Variants in FCHO1 observed in about 807,000 individuals in gnomAD.
FCHO1 encodes FCH and mu domain containing endocytic adaptor 1.
Under a neutral mutation model 114.4 loss-of-function variants are expected in FCHO1, and 45 were observed. The ratio of observed to expected loss-of-function variants is 0.39; its 90% CI spans 0.31 to 0.50. The LOEUF (loss-of-function observed/expected upper bound fraction) is 0.50, where lower values mean the gene tolerates loss of function less well. Among genes scored for constraint, FCHO1 ranks in the 20% least tolerant of loss-of-function variants. FCHO1 has a pLI of 0.77. For synonymous variants in FCHO1, 480 were observed against 488.9 expected, an observed-to-expected ratio of 0.98 and a Z score of 0.24; for missense variants, 1,042 against 1,209.6, an observed-to-expected ratio of 0.86 and a Z score of 2.06.
rs1170719311 is a variant in FCHO1 at position 17,774,496 on chromosome 19, C to T, written c.920+18C>T. On this transcript the variant is annotated intron_variant, in intron 13 of 28. Transcript: ENST00000596536. The stretch of plus-strand genomic sequence containing the variant: ...GCAGCTGTGTGAGGAAGCACCCCTG[C>T]CCGGTCTGGCCCAGGCTAGACCGAG... The T allele has an allele frequency of 6.2e-7, 1 of 1,604,076 alleles. No homozygotes were observed. The highest frequency in any genetic ancestry group is 1.7e-5 in the Admixed American group (1 of 59,928).
chr19:17,766,899 T>G, intron 7 of FCHO1, 89 bp downstream of exon 7: 1 of 1,356,276 alleles, frequency 7.4e-7, no homozygotes, highest in Non-Finnish European at 1.0e-6. Flanking sequence ...CTTTATAACC[T>G]GCGGATGTCC....
intron 18 of FCHO1, among the ~76,000 whole-genome samples, chr19:17,777,602 C>G (rs1009002104): frequency 1.7e-4 from 25 of 147,860 alleles, no homozygotes; most frequent in African/African-American, 6.3e-4. Flanking sequence ...CTAAGTGCTA[C>G]GAAGAAACTA....
chr19:17,775,412 G>C lies in FCHO1; in HGVS notation c.946-44G>C, dbSNP rs763952240. The C allele has an allele frequency of 6.3e-7, 1 of 1,592,772 alleles. No individual in the cohort carries two copies. Among genetic ancestry groups the C allele is most frequent in the Admixed American group, 1.7e-5 (1 of 59,978 alleles). On this transcript the variant is annotated intron_variant, in intron 14 of 28. Transcript: ENST00000596536. This position sits in a 1 kb window ranked among gnomAD's most constrained non-coding sequence, Gnocchi z 5.1. ...GTTGGCAGGGTGAGATGGAAGGTTC[G>C]ATAGTGGGGCGCCTGACTCACTGCT...
At chr19:17,747,975 C>A (rs946481540), upstream of FCHO1, among the ~76,000 whole-genome samples, 9 of 152,250 alleles carry the variant, frequency 5.9e-5, no homozygotes, top group African/African-American at 2.2e-4. Context: ...GCCCCGGCTT[C>A]CCCCTCCAAG....
chr19:17,761,260 C>G (rs8108865), intron 4 of FCHO1, among the ~76,000 whole-genome samples: 1 of 151,778 alleles, frequency 6.6e-6, no homozygotes, highest in Admixed American at 6.6e-5. Context: ...TTCTCATAGG[C>G]GGAATTTCCA....
upstream of FCHO1, among the ~76,000 whole-genome samples, chr19:17,748,457 C>A (rs2146044968): frequency 6.6e-6 from 1 of 151,236 alleles, no homozygotes; most frequent in East Asian, 1.9e-4. Flanking sequence ...GGGTCCCCTG[C>A]CTGGCACGGT....
chr19:17,763,502 G>A (rs1017642133), intron 5 of FCHO1, among the ~76,000 whole-genome samples: 2 of 150,342 alleles, frequency 1.3e-5, no homozygotes, highest in African/African-American at 4.9e-5. Flanking sequence ...GACCTCAGGC[G>A]ATCCGCCCGC....
At position 17,784,291 on chromosome 19, in the gene FCHO1, C is replaced by T. The variant is rs150699700; in HGVS notation, c.2226+56C>T. ...TGGTGGAGTGGGGGACACGGTGAGCCGGCAGCAGACATGGAGGCGCCTGCG... is the reference window on the plus strand; with the variant it reads ...TGGTGGAGTGGGGGACACGGTGAGCTGGCAGCAGACATGGAGGCGCCTGCG... On this transcript the variant is annotated intron_variant, in intron 25 of 28. Coordinates refer to ENST00000596536, the MANE Select transcript of FCHO1 (RefSeq NM_015122.3). The surrounding 1 kb of genome is among the most constrained non-coding windows in gnomAD (Gnocchi z 5.3). 1.7e-4 allele frequency: 255 copies of T among 1,542,684 alleles called. No individual in the cohort carries two copies. The highest frequency in any genetic ancestry group is 3.2e-4 in the East Asian group (13 of 40,992).
upstream of FCHO1, among the ~76,000 whole-genome samples, chr19:17,749,258 C>T (rs755699980): frequency 1.2e-4 from 18 of 152,138 alleles, no homozygotes; most frequent in Non-Finnish European, 2.5e-4. Context: ...GAGTCTGACA[C>T]CCCCAGGTTT....
At chr19:17,768,759 C>T (rs1466582686) in intron 7 of FCHO1, among the ~76,000 whole-genome samples, 1 of 150,898 alleles carries the variant, frequency 6.6e-6, no homozygotes, top group Non-Finnish European at 1.5e-5. Context: ...GTTGCCCAGG[C>T]TGGTCAAACA....
intron 4 of FCHO1, chr19:17,758,668 C>T (rs1399241182): frequency 2.6e-5 from 4 of 152,252 alleles, no homozygotes; most frequent in Non-Finnish European, 4.4e-5. Flanking sequence ...GCAGTGACTT[C>T]TGGCTTTAAC....
chr19:17,770,767 C>G, intron 8 of FCHO1, 25 bp from the exon 9 acceptor site: 1 of 1,612,374 alleles, frequency 6.2e-7, no homozygotes, highest in Non-Finnish European at 8.5e-7. Context: ...CCCTCCCATC[C>G]CCGTTTCCTC....
chr19:17,788,327 C>T lies in FCHO1; in HGVS notation c.*21C>T, dbSNP rs199872257. ...GCTGAACCCGCAAATGCTGCTGCCC[C>T]AGCTCTACACTGCGCCCTGGTGCTG... On this transcript the variant is annotated 3_prime_UTR_variant, in exon 29 of 29. Coordinates refer to ENST00000596536, the MANE Select transcript of FCHO1 (RefSeq NM_015122.3). 2.5e-5 allele frequency: 39 copies of T among 1,576,212 alleles called. No individual in the cohort carries two copies. Among genetic ancestry groups the T allele is most frequent in the Non-Finnish European group, 3.4e-5 (39 of 1,160,130 alleles).
rs2082792938 is a variant in FCHO1, at chr19:17,754,312, T to G, written c.-182-5T>G. 1 of 152,396 alleles carries G rather than the reference T, an allele frequency of 6.6e-6. No homozygotes were observed. Among genetic ancestry groups the G allele is most frequent in the Non-Finnish European group, 1.5e-5 (1 of 68,120 alleles). The allele number at this position is 152,396 out of a possible 1,614,324, so 9.4% of individuals were successfully genotyped here. ...CCCTTCTAAGCATTCCTTCTTATTT[T>G]GCAGATGGGGAAACTGAGGCACGGA... On this transcript the variant is annotated splice_polypyrimidine_tract_variant and splice_region_variant and intron_variant, in intron 1 of 28. Transcript: ENST00000596536.
chr19:17,782,466 G>A (rs796329415), intron 23 of FCHO1, among the ~76,000 whole-genome samples: 6 of 152,274 alleles, frequency 3.9e-5, no homozygotes, highest in African/African-American at 1.4e-4. Flanking sequence ...AGCCTCCCAA[G>A]GTGCTGGGAG....
chr19:17,768,295 C>T (rs62121731), intron 7 of FCHO1, among the ~76,000 whole-genome samples: 66,217 of 151,176 alleles, frequency 0.44, 15,350 homozygotes, highest in East Asian at 0.71. Context: ...GTCTTGAATT[C>T]CTGACCTCAG....
At chr19:17,748,352 C>T (rs1005883154), upstream of FCHO1, among the ~76,000 whole-genome samples, 6 of 152,152 alleles carry the variant, frequency 3.9e-5, no homozygotes, top group African/African-American at 1.4e-4. Flanking sequence ...TCTGCCCCAT[C>T]CCAGTCCTCC....
chr19:17,783,548 G>T (rs1177979121), intron 24 of FCHO1, among the ~76,000 whole-genome samples: 1 of 150,504 alleles, frequency 6.6e-6, no homozygotes, highest in Non-Finnish European at 1.5e-5. Flanking sequence ...GATTACAGGC[G>T]TGAGCTACCA....
upstream of FCHO1, among the ~76,000 whole-genome samples, chr19:17,750,909 CT>C (rs1486503062): frequency 6.1e-5 from 9 of 147,632 alleles, no homozygotes; most frequent in South Asian, 1.7e-3. Context: ...ACTGCAACCT[CT>C]GGCTCACTGC....
Sources: allele counts gnomAD v4.1 joint callset (sites outside exome capture counted in the v4.1 genomes callset), GRCh38; gene constraint gnomAD v4.1.1; non-coding constraint Gnocchi (gnomAD v3.1); transcripts MANE v1.5; gene names NCBI Gene and HGNC (gene_info 2026-07-23, HGNC 2026-07-21).